CAPN12: variants seen among roughly 807,000 people sequenced by gnomAD.
CAPN12 encodes the protein calpain 12, also known as calpain-12.
Under a neutral mutation model 95.0 loss-of-function variants are expected in CAPN12, and 107 were observed. The ratio of observed to expected loss-of-function variants is 1.13; its 90% confidence interval spans 0.96 to 1.32. The LOEUF (loss-of-function observed/expected upper bound fraction) is 1.32. Ranked by LOEUF, CAPN12 falls within the 40% of genes most tolerant of loss-of-function variation. CAPN12 has a pLI of 0.00. For missense variants in CAPN12, 1,136 were observed against 997.8 expected, an observed-to-expected ratio of 1.14 and a Z score of -1.87; for synonymous variants, 505 against 415.5, an observed-to-expected ratio of 1.22 and a Z score of -2.62.
chr19:38,737,848 C>T (rs1256664984), intron 8 of CAPN12, among the ~76,000 whole-genome samples: 1 of 152,186 alleles, frequency 6.6e-6, no homozygotes, highest in African/African-American at 2.4e-5. Flanking sequence ...CGCCAAGATT[C>T]ACAAGCTGCC....
Position 38,734,236 on chromosome 19 carries a change from G to T in CAPN12, c.1816-32C>A, listed in dbSNP as rs774329128. 32 of 1,612,162 alleles carry T rather than the reference G, an allele frequency of 2.0e-5. 1 individual carries two copies. The South Asian group carries it at 3.4e-4, about 17-fold the overall frequency. ...TGGGGGTCGGGGGCATCTGGTTAAG[G>T]TCAATCTCTCCAGAAGGGGAGGAGA... On this transcript the variant is annotated intron_variant, in intron 16 of 20. Transcript: ENST00000328867.
intron 18 of CAPN12, 57 bp from the exon 19 acceptor site, chr19:38,731,280 C>T: frequency 7.6e-7 from 1 of 1,315,542 alleles, no homozygotes; most frequent in Non-Finnish European, 1.1e-6. Flanking sequence ...CTTGGCATTG[C>T]ATCCCCACCC....
chr19:38,736,577 G>A lies in CAPN12; in HGVS notation c.1363-14C>T. Reference sequence around the variant, plus strand: ...CTCCTCTGGAATCTGAAAGAAGCAAGAGCAAGGGGCGTCGGGGCAGGGGAG... The same window carrying A: ...CTCCTCTGGAATCTGAAAGAAGCAAAAGCAAGGGGCGTCGGGGCAGGGGAG... On this transcript the variant is annotated splice_polypyrimidine_tract_variant and intron_variant, in intron 10 of 20. Coordinates refer to ENST00000328867, the MANE Select transcript of CAPN12 (RefSeq NM_144691.4). The A allele has an allele frequency of 6.2e-7, 1 of 1,605,540 alleles. No homozygotes were observed.
In CAPN12 at chr19:38,737,458, G is replaced by C; in HGVS notation, c.1129+17C>G. Reference sequence around the variant, plus strand: ...CCCCCCACCCCAGGAAGCCTCTCAGGGCCCCTCAGGCCTCACCAGCATTAG... The same window carrying C: ...CCCCCCACCCCAGGAAGCCTCTCAGCGCCCCTCAGGCCTCACCAGCATTAG... On this transcript the variant is annotated intron_variant, in intron 9 of 20. Coordinates refer to ENST00000328867, the MANE Select transcript of CAPN12 (RefSeq NM_144691.4). The C allele has an allele frequency of 6.2e-7, 1 of 1,612,574 alleles. No individual in the cohort carries two copies. The highest frequency in any genetic ancestry group is 8.5e-7 in the Non-Finnish European group (1 of 1,179,810).
intron 5 of CAPN12, chr19:38,738,996 G>A (rs569752890): frequency 2.8e-6 from 1 of 355,322 alleles, no homozygotes; most frequent in Admixed American, 4.4e-5. Context: ...AACAGGCGTG[G>A]TGGTGCACAC....
chr19:38,737,248 A>G lies in CAPN12; in HGVS notation c.1270T>C (p.Cys424Arg), dbSNP rs906007688. ...GPARGGRTPK[C>R]TVLLSLIQRN... ...TGGATGAGGGACAGAAGGACCGTGC[A>G]CTTGGGCGTGCGGCCCCCCCGCGCT... Residue 424 changes from cysteine to arginine, a missense_variant, in exon 10 of 21, where the codon TGC (cysteine) becomes CGC (arginine). Cys to Arg is a radical substitution (Grantham distance 180). Transcript: ENST00000328867. The G allele has an allele frequency of 6.5e-7, 1 of 1,549,104 alleles. No individual in the cohort carries two copies. Among genetic ancestry groups the G allele is most frequent in the Non-Finnish European group, 8.7e-7 (1 of 1,147,738 alleles).
intron 9 of CAPN12, 28 bp from the exon 10 acceptor site, chr19:38,737,416 C>T: frequency 6.2e-7 from 1 of 1,609,428 alleles, no homozygotes; most frequent in Non-Finnish European, 8.5e-7. Context: ...AAGGGGGTTT[C>T]CTAGCCGGCC....
intron 8 of CAPN12, among the ~76,000 whole-genome samples, chr19:38,738,050 T>C (rs1403344628): frequency 6.6e-6 from 1 of 151,840 alleles, no homozygotes; most frequent in Non-Finnish European, 1.5e-5. Flanking sequence ...GGCCTTCAAA[T>C]TCCCCTCATA....
chr19:38,740,183 G>C lies in CAPN12; in HGVS notation c.597C>G (p.His199Gln). The change falls in exon 5 of 21, where the codon CAC becomes CAG. Residue 199 changes from histidine to glutamine, a missense_variant. Transcript: ENST00000328867. Reference sequence around the variant, plus strand: ...TGAAATCCACAAAAGCCTCATTCATGTGGCCGCCCCGCATCACCTCATAGG... The same window carrying C: ...TGAAATCCACAAAAGCCTCATTCATCTGGCCGCCCCGCATCACCTCATAGG... The part of the protein sequence containing the change: ...HGSYEVMRGG[H>Q]MNEAFVDFTG... 1 of 1,612,014 alleles carries C rather than the reference G, an allele frequency of 6.2e-7. No homozygotes were observed. Among genetic ancestry groups the C allele is most frequent in the Non-Finnish European group, 8.5e-7 (1 of 1,179,110 alleles).
chr19:38,743,439 G>GTC lies in CAPN12; in HGVS notation c.238-338_238-337insGA, dbSNP rs55715915. On this transcript the variant is annotated intron_variant, in intron 1 of 20. Transcript: ENST00000328867. ...TCCTCCCTCAGACCCAGGAGTCCAGGCCCAGCCCCTCCTCCCTCAGACCCA... is the reference window on the plus strand; with the variant it reads ...TCCTCCCTCAGACCCAGGAGTCCAGGTCCCCAGCCCCTCCTCCCTCAGACCCA... Among the ~76,000 whole-genome samples, 96 of 105,840 alleles carry GTC rather than the reference G, an allele frequency of 9.1e-4. 1 individual carries two copies. Among genetic ancestry groups the GTC allele is most frequent in the African/African-American group, 3.3e-3 (92 of 27,498 alleles). The allele number at this position is 105,840 out of a possible 152,430, so 69.4% of individuals were successfully genotyped here.
intron 17 of CAPN12, 53 bp downstream of exon 17, chr19:38,734,089 C>G: frequency 6.2e-7 from 1 of 1,600,006 alleles, no homozygotes; most frequent in South Asian, 1.1e-5. Context: ...GCCTATGTCT[C>G]TGTTAGTAAA....
At chr19:38,733,464 A>C in intron 18 of CAPN12, 2 of 505,466 alleles carry the variant, frequency 4.0e-6, no homozygotes, top group Admixed American at 3.6e-5. Context: ...CAGAACCCCT[A>C]CCAGGCACAT....
chr19:38,737,613 G>A lies in CAPN12; in HGVS notation c.991C>T (p.His331Tyr), dbSNP rs1214246031. Residue 331 changes from histidine to tyrosine, a missense_variant, in exon 9 of 21, where the codon CAT becomes TAT. His to Tyr is a moderately conservative substitution (Grantham distance 83). Transcript: ENST00000328867. ...GAGCAGATCTGCACGGTGTCGAAATGGAGGAGGAAGTCCCGCAGCTCCATC... is the reference window on the plus strand; with the variant it reads ...GAGCAGATCTGCACGGTGTCGAAATAGAGGAGGAAGTCCCGCAGCTCCATC... ...FWMELRDFLL[H>Y]FDTVQICSLS... The A allele has an allele frequency of 1.9e-6, 3 of 1,607,464 alleles. No homozygotes were observed. Among genetic ancestry groups the A allele is most frequent in the South Asian group, 2.2e-5 (2 of 90,590 alleles).
chr19:38,740,542 G>C (rs2145251051), intron 4 of CAPN12, among the ~76,000 whole-genome samples: 1 of 152,312 alleles, frequency 6.6e-6, no homozygotes, highest in South Asian at 2.1e-4. Context: ...GCTCACGCCT[G>C]TAATCCCAGC....
At chr19:38,731,494 T>G in intron 18 of CAPN12, 1 of 519,350 alleles carries the variant, frequency 1.9e-6, no homozygotes. Context: ...GATGTGTGGG[T>G]ACTGTTACTC....
rs963952208 is a variant in CAPN12, at chr19:38,737,178, G to T, written c.1340C>A (p.Thr447Asn). ...RLRAKGLTYLTVGFHVFQIPE... is the reference protein window; with the variant it reads ...RLRAKGLTYLNVGFHVFQIPE... ...CACCTGGAACACGTGGAAGCCAACG[G>T]TGAGGTAAGTGAGGCCCTTGGCTCT... The change falls in exon 10 of 21, where the codon ACC (threonine) becomes AAC (asparagine). Residue 447 changes from threonine (T) to asparagine (N), a missense_variant. Transcript: ENST00000328867. The T allele has an allele frequency of 2.6e-6, 4 of 1,547,832 alleles. No homozygotes were observed. The highest frequency in any genetic ancestry group is 3.5e-6 in the Non-Finnish European group (4 of 1,146,886).
Position 38,731,749 on chromosome 19 carries a change from CCAGA to C in CAPN12, c.1958-530_1958-527del, listed in dbSNP as rs530853444. 2.4e-3 allele frequency among the ~76,000 whole-genome samples: 365 copies of C among 152,358 alleles called. 2 individuals are homozygous for C. Among genetic ancestry groups the C allele is most frequent in the African/African-American group, 8.3e-3 (347 of 41,592 alleles). ...CTGATGACCTTTGTCTCCCACACGGCCAGACAAACCCAGTTCCAAGTACCGTTTC... is the reference window on the plus strand; with the variant it reads ...CTGATGACCTTTGTCTCCCACACGGCCAAACCCAGTTCCAAGTACCGTTTC... On this transcript the variant is annotated intron_variant, in intron 18 of 20. Transcript: ENST00000328867.
chr19:38,742,898 A>C, intron 2 of CAPN12, 135 bp downstream of exon 2: 4 of 418,222 alleles, frequency 9.6e-6, no homozygotes, highest in Non-Finnish European at 1.7e-5. Context: ...GGGAGGAGGG[A>C]GAGAGAGGCC....
intron 1 of CAPN12, 30 bp from the exon 2 acceptor site, chr19:38,743,132 G>A (rs763198908): frequency 6.2e-7 from 1 of 1,613,174 alleles, no homozygotes. Context: ...CCAGGCCTCA[G>A]CCTGAGAAAG....
Sources: allele counts gnomAD v4.1 joint callset (sites outside exome capture counted in the v4.1 genomes callset), GRCh38; gene constraint gnomAD v4.1.1; transcripts MANE v1.5; gene names NCBI Gene and HGNC (gene_info 2026-07-23, HGNC 2026-07-21).